The following PPP1R3A variants were observed in gnomAD, a reference collection of about 807,000 sequenced individuals.
PPP1R3A encodes RG1.
Under a neutral mutation model 41.7 loss-of-function variants are expected in PPP1R3A, and 29 were observed. The observed-to-expected ratio is 0.70, with a 90% CI of 0.52 to 0.95. The LOEUF (loss-of-function observed/expected upper bound fraction) is 0.95, where lower values mean the gene tolerates loss of function less well. Among genes scored for constraint, PPP1R3A ranks in the 40% least tolerant of loss-of-function variants. The pLI, the probability that PPP1R3A is intolerant of heterozygous loss-of-function variation, is 0.00. For missense variants in PPP1R3A, 1,352 were observed against 1,292.4 expected (o/e 1.05, Z -0.71); for synonymous variants, 485 against 453.4 (o/e 1.07, Z -0.89).
At chr7:113,897,291 T>C (rs1398153791) in intron 1 of PPP1R3A, among the ~76,000 whole-genome samples, 1 of 151,794 alleles carries the variant, frequency 6.6e-6, no homozygotes, top group Non-Finnish European at 1.5e-5. Context: ...ATTTTTAAGT[T>C]AGCTTTAAGG....
At chr7:113,886,538 C>T (rs544302566) in intron 1 of PPP1R3A, among the ~76,000 whole-genome samples, 1 of 152,138 alleles carries the variant, frequency 6.6e-6, no homozygotes, top group East Asian at 1.9e-4. Context: ...ATGTCTTTAT[C>T]AGCAAAATGA....
intron 1 of PPP1R3A, among the ~76,000 whole-genome samples, chr7:113,904,001 G>T (rs965372269): frequency 6.6e-6 from 1 of 151,646 alleles, no homozygotes; most frequent in African/African-American, 2.4e-5. Flanking sequence ...GTGGTAGCCT[G>T]CAGTATAATC....
intron 1 of PPP1R3A, among the ~76,000 whole-genome samples, chr7:113,907,085 T>C (rs1797160570): frequency 6.6e-6 from 1 of 151,826 alleles, no homozygotes; most frequent in Admixed American, 6.6e-5. Flanking sequence ...GAAGAGCTAG[T>C]GTCTGCATAA....
chr7:113,912,126 G>A (rs769986908), intron 1 of PPP1R3A, among the ~76,000 whole-genome samples: 1 of 152,072 alleles, frequency 6.6e-6, no homozygotes, highest in Non-Finnish European at 1.5e-5. Flanking sequence ...ATGCTTCAAT[G>A]TTTTTGGAAT....
intron 1 of PPP1R3A, among the ~76,000 whole-genome samples, chr7:113,890,061 T>C (rs1796852441): frequency 6.8e-6 from 1 of 147,998 alleles, no homozygotes; most frequent in Non-Finnish European, 1.5e-5. Flanking sequence ...TAAGGCATTA[T>C]ATGCAAAAAC....
Position 113,878,180 on chromosome 7 carries a change from G to C in PPP1R3A, c.2912C>G (p.Ser971Cys). ...QGIEKHPYPE[S>C]KPEEVSRSSG... is the part of the protein sequence containing the mutation. Reference sequence around the variant, plus strand: ...ACTTCTGGAAACTTCTTCAGGTTTAGACTCAGGATAAGGGTGCTTCTCAAT... The same window carrying C: ...ACTTCTGGAAACTTCTTCAGGTTTACACTCAGGATAAGGGTGCTTCTCAAT... Residue 971 changes from serine to cysteine, a missense_variant, in exon 4 of 4, where the codon TCT becomes TGT. By Grantham distance (112) the Ser-to-Cys change is moderately radical (BLOSUM62 -1). Coordinates refer to ENST00000284601, the MANE Select transcript of PPP1R3A (RefSeq NM_002711.4). 1 of 1,613,240 alleles carries C rather than the reference G, an allele frequency of 6.2e-7. No homozygotes were observed. Among genetic ancestry groups the C allele is most frequent in the Admixed American group, 1.7e-5 (1 of 59,834 alleles).
intron 1 of PPP1R3A, among the ~76,000 whole-genome samples, chr7:113,911,221 G>A (rs1228206349): frequency 1.3e-5 from 2 of 151,988 alleles, no homozygotes; most frequent in South Asian, 2.1e-4. Context: ...CAGCAGGATG[G>A]CATGATTAAG....
In PPP1R3A at chr7:113,878,820, CT is replaced by C; in HGVS notation, c.2271del (p.Glu758ArgfsTer11). ...REKAIIAKLP[Q>X]ETARSDRPIE... is the part of the protein sequence containing the mutation. ...ATGGGCCTGTCACTTCGTGCTGTCT[CT>C]TGAGGTAGCTTAGCAATTATTGCTT... is the stretch of plus-strand genomic sequence containing the variant. On this transcript the variant is annotated frameshift_variant, in exon 4 of 4. Transcript: ENST00000284601. LOFTEE classifies it low-confidence loss of function (END_TRUNC). The C allele has an allele frequency of 6.2e-7, 1 of 1,613,540 alleles. No individual in the cohort carries two copies. Among genetic ancestry groups the C allele is most frequent in the Non-Finnish European group, 8.5e-7 (1 of 1,179,762 alleles).
At chr7:113,905,318 T>C (rs187659942) in intron 1 of PPP1R3A, among the ~76,000 whole-genome samples, 1 of 151,804 alleles carries the variant, frequency 6.6e-6, no homozygotes, top group Admixed American at 6.6e-5. Flanking sequence ...TCCATTTGAG[T>C]TTGTCAATAT....
chr7:113,909,885 A>T (rs988340188), intron 1 of PPP1R3A, among the ~76,000 whole-genome samples: 2 of 152,052 alleles, frequency 1.3e-5, no homozygotes, highest in Non-Finnish European at 2.9e-5. Context: ...TGAAGAACAT[A>T]ATCTTCCCAA....
rs145654843 is a variant in PPP1R3A, at chr7:113,910,115, G to C, written c.782+8100C>G. On this transcript the variant is annotated intron_variant, in intron 1 of 3. Transcript: ENST00000284601. ...TTTATAAAACCATCAGATCTCACGA[G>C]ATTTATTCACTACCACGAGAACAGT... Among the ~76,000 whole-genome samples the C allele has an allele frequency of 1.4e-3, 220 of 152,074 alleles. 2 individuals are homozygous for C. The highest frequency in any genetic ancestry group is 4.9e-3 in the African/African-American group (205 of 41,506).
chr7:113,908,768 TAAAGAA>T (rs986160847), intron 1 of PPP1R3A, among the ~76,000 whole-genome samples: 12 of 151,674 alleles, frequency 7.9e-5, no homozygotes, highest in Admixed American at 2.6e-4. Context: ...GTGGATTAGA[TAAAGAA>T]AAAGTATATA....
intron 1 of PPP1R3A, among the ~76,000 whole-genome samples, chr7:113,898,799 C>G (rs1023031536): frequency 1.3e-5 from 2 of 151,798 alleles, no homozygotes; most frequent in Non-Finnish European, 2.9e-5. Flanking sequence ...ATTGTTCGTT[C>G]CAGCCAACAC....
At position 113,918,946 on chromosome 7, in the gene PPP1R3A, T is replaced by C. The variant is rs762154976; in HGVS notation, c.51A>G (p.Glu17=). ...PSQISKDNFL[E]VPNLSDSLCE... ...AAAGAGAGTCAGATAAATTAGGAAC[T>C]TCTAAAAAATTATCTTTGCTAATCT... is the stretch of plus-strand genomic sequence containing the variant. The change falls in exon 1 of 4, where the codon GAA becomes GAG. Residue 17 remains glutamate, a synonymous_variant. Coordinates refer to ENST00000284601, the MANE Select transcript of PPP1R3A (RefSeq NM_002711.4). 6.2e-7 allele frequency: 1 copy of C among 1,612,880 alleles called. No individual in the cohort carries two copies. The highest frequency in any genetic ancestry group is 1.1e-5 in the South Asian group (1 of 90,960).
In PPP1R3A at chr7:113,885,472, A is replaced by C. The variant is rs138110666; in HGVS notation, c.783-3152T>G. ...AATGATGACCACTACTTCCATTCCCAGGTGTATACCCAAGAGAAACTCTTG... is the reference window on the plus strand; with the variant it reads ...AATGATGACCACTACTTCCATTCCCCGGTGTATACCCAAGAGAAACTCTTG... On this transcript the variant is annotated intron_variant, in intron 1 of 3. Coordinates refer to ENST00000284601, the MANE Select transcript of PPP1R3A (RefSeq NM_002711.4). Among the ~76,000 whole-genome samples, 242 of 152,286 alleles carry C rather than the reference A, an allele frequency of 1.6e-3. 2 individuals are homozygous for C. In the East Asian group the frequency reaches 0.043, roughly 27 times the overall value.
chr7:113,908,334 A>C (rs1228874989), intron 1 of PPP1R3A, among the ~76,000 whole-genome samples: 1 of 151,914 alleles, frequency 6.6e-6, no homozygotes, highest in Non-Finnish European at 1.5e-5. Context: ...TCGTGTGTGC[A>C]CACACGTGTG....
Position 113,882,062 on chromosome 7 carries a change from T to A in PPP1R3A, c.943A>T (p.Asn315Tyr). Residue 315 changes from asparagine (N) to tyrosine (Y), a missense_variant, in exon 3 of 4, where the codon AAT becomes TAT. By Grantham distance (143) the Asn-to-Tyr change is moderately radical (BLOSUM62 -2). Transcript: ENST00000284601. ...ACCATCAACTCTAATTCTTTTTCATTATGTTCATCATGTTCCCTGTTTACA... is the reference window on the plus strand; with the variant it reads ...ACCATCAACTCTAATTCTTTTTCATAATGTTCATCATGTTCCCTGTTTACA... ...KDVNREHDEH[N>Y]EKELELMINQ... 6.2e-7 allele frequency: 1 copy of A among 1,612,622 alleles called. No homozygotes were observed.
intron 1 of PPP1R3A, among the ~76,000 whole-genome samples, chr7:113,915,369 T>C (rs1214578606): frequency 2.0e-5 from 3 of 152,012 alleles, no homozygotes; most frequent in African/African-American, 7.2e-5. Context: ...TTTCAGAAGA[T>C]ACAATCTCAG....
chr7:113,918,205 A>G lies in PPP1R3A; in HGVS notation c.782+10T>C. The G allele has an allele frequency of 1.3e-6, 2 of 1,588,056 alleles. No individual in the cohort carries two copies. Among genetic ancestry groups the G allele is most frequent in the Non-Finnish European group, 1.7e-6 (2 of 1,169,900 alleles). ...TTGTGAATAATAAAATATGTAAGATATATCCTCACCTTGATTTTACCTTTA... is the reference window on the plus strand; with the variant it reads ...TTGTGAATAATAAAATATGTAAGATGTATCCTCACCTTGATTTTACCTTTA... On this transcript the variant is annotated intron_variant, in intron 1 of 3. Coordinates refer to ENST00000284601, the MANE Select transcript of PPP1R3A (RefSeq NM_002711.4).
Sources: gnomAD v4.1 joint callset for allele counts (sites outside exome capture counted in the v4.1 genomes callset) on GRCh38, gnomAD v4.1.1 for gene constraint, MANE v1.5 for transcripts, NCBI Gene and HGNC (gene_info 2026-07-23, HGNC 2026-07-21) for gene names.